Variants in LMBR1 observed in about 807,000 individuals in gnomAD.
The protein encoded by LMBR1 is limb development membrane protein 1.
In LMBR1, 52 loss-of-function variants were observed where a neutral mutation model predicts 73.9. The observed-to-expected ratio is 0.70, with a 90% CI of 0.56 to 0.89. LMBR1 has a LOEUF of 0.89. Ranked by LOEUF, LMBR1 falls within the 40% of genes least tolerant of loss-of-function variation. The pLI is 0.00. For missense variants in LMBR1, 539 were observed against 579.8 expected, an observed-to-expected ratio of 0.93 and a Z score of 0.72; for synonymous variants, 215 against 209.4, an observed-to-expected ratio of 1.03 and a Z score of -0.23.
downstream of LMBR1, among the ~76,000 whole-genome samples, chr7:156,673,860 G>C (rs957367360): frequency 6.6e-6 from 1 of 151,162 alleles, no homozygotes; most frequent in African/African-American, 2.4e-5. Context: ...TCAGAAGTCT[G>C]GTGATTTAAA....
chr7:156,716,710 A>C (rs1317332838), intron 15 of LMBR1, among the ~76,000 whole-genome samples: 1 of 152,212 alleles, frequency 6.6e-6, no homozygotes, highest in African/African-American at 2.4e-5. Context: ...CTTAGAATCT[A>C]CTTCACAAAC....
rs148713018 is a variant in LMBR1, at chr7:156,788,541, T to G, written c.423+7848A>C. 1.1e-3 allele frequency among the ~76,000 whole-genome samples: 167 copies of G among 151,610 alleles called. 1 individual carries two copies. The East Asian group carries it at 0.03, about 27-fold the overall frequency. ...TCAGCTGAGTCAAGCACTGAAATCA[T>G]GAGCATTCTCCCCTGCCCTCTACTA... On this transcript the variant is annotated intron_variant, in intron 5 of 16. Transcript: ENST00000353442.
chr7:156,712,775 T>C (rs889490557), intron 15 of LMBR1, among the ~76,000 whole-genome samples: 4 of 152,210 alleles, frequency 2.6e-5, no homozygotes, highest in African/African-American at 9.7e-5. Context: ...AAATGCTGTA[T>C]GTTCTCAATT....
chr7:156,882,326 T>C (rs921900312), intron 1 of LMBR1, among the ~76,000 whole-genome samples: 11 of 152,096 alleles, frequency 7.2e-5, no homozygotes, highest in Non-Finnish European at 4.4e-5. Context: ...GTGCCAGTAG[T>C]CCCAGCTACT....
rs533200816 is a variant in LMBR1, at chr7:156,735,618, T to G, written c.758-1361A>C. Among the ~76,000 whole-genome samples the G allele has an allele frequency of 6.6e-5, 10 of 151,472 alleles. No individual in the cohort carries two copies. The East Asian group carries it at 1.9e-3, about 29-fold the overall frequency. ...GGGAGGTTCTGTTTGCTAGGGTTTT[T>G]TTGTTTTTGTTTTTGTTTTTCATCC... is the stretch of plus-strand genomic sequence containing the variant. On this transcript the variant is annotated intron_variant, in intron 9 of 16. Transcript: ENST00000353442.
intron 10 of LMBR1, among the ~76,000 whole-genome samples, chr7:156,731,971 T>C (rs1816913578): frequency 6.6e-6 from 1 of 151,444 alleles, no homozygotes; most frequent in African/African-American, 2.4e-5. Context: ...AGAATGATTA[T>C]AACAACATTA....
intron 5 of LMBR1, among the ~76,000 whole-genome samples, chr7:156,784,127 G>C (rs1052068154): frequency 6.6e-6 from 1 of 151,376 alleles, no homozygotes; most frequent in Non-Finnish European, 1.5e-5. Flanking sequence ...ATATCCTTAA[G>C]TTTTTCTGTT....
At chr7:156,793,316 T>A (rs1368448080) in intron 5 of LMBR1, among the ~76,000 whole-genome samples, 1 of 152,202 alleles carries the variant, frequency 6.6e-6, no homozygotes, top group Admixed American at 6.5e-5. Context: ...CATTTAGACT[T>A]AACGACACAA....
At chr7:156,812,678 G>C (rs1470000601) in intron 4 of LMBR1, among the ~76,000 whole-genome samples, 1 of 152,158 alleles carries the variant, frequency 6.6e-6, no homozygotes, top group Non-Finnish European at 1.5e-5. Context: ...GCCTTCATTT[G>C]CCAAAAACAG....
At chr7:156,766,947 G>C (rs1261254231) in intron 5 of LMBR1, among the ~76,000 whole-genome samples, 1 of 152,220 alleles carries the variant, frequency 6.6e-6, no homozygotes, top group Non-Finnish European at 1.5e-5. Context: ...TCAGGAATGA[G>C]GCTGTAGACC....
At chr7:156,881,346 TA>T (rs1407191684) in intron 1 of LMBR1, among the ~76,000 whole-genome samples, 1 of 152,192 alleles carries the variant, frequency 6.6e-6, no homozygotes, top group Non-Finnish European at 1.5e-5. Flanking sequence ...TACAAAGGAT[TA>T]AAGACTTAAA....
intron 5 of LMBR1, among the ~76,000 whole-genome samples, chr7:156,774,991 A>G (rs1186503780): frequency 3.3e-5 from 5 of 152,198 alleles, no homozygotes; most frequent in Non-Finnish European, 7.4e-5. Flanking sequence ...AAAGAAGGGA[A>G]CAACAGACAC....
At position 156,893,071 on chromosome 7, in the gene LMBR1, G is replaced by A; in HGVS notation, c.-78C>T. ...ATCGTCCGCCCGCCGCAGGGGCTCG[G>A]ACAGCCGCGCCGGGGACCGGAGCCG... On this transcript the variant is annotated 5_prime_UTR_variant, in exon 1 of 17. Transcript: ENST00000353442. 1.5e-6 allele frequency: 2 copies of A among 1,323,834 alleles called. No homozygotes were observed. Among genetic ancestry groups the A allele is most frequent in the Non-Finnish European group, 1.9e-6 (2 of 1,037,362 alleles). 82.0% of individuals were successfully genotyped at this position (1,323,834 alleles called of 1,614,324 possible).
At chr7:156,702,537 G>GA (rs1810002182) in intron 15 of LMBR1, among the ~76,000 whole-genome samples, 3 of 151,810 alleles carry the variant, frequency 2.0e-5, no homozygotes, top group Admixed American at 2.0e-4. Context: ...TTGTTAGACT[G>GA]AAAAAATTTT....
rs60299355 is a variant in LMBR1 at position 156,725,498 on chromosome 7, G to A, written c.1095C>T (p.Gly365=). 0.043 allele frequency: 69,531 copies of A among 1,602,902 alleles called. 2,341 individuals are homozygous for A. Among genetic ancestry groups the A allele is most frequent in the East Asian group, 0.15 (6,718 of 44,668 alleles). ...IFYLMVSSVV[G]FYSLRFFGNF... ...TTCCAAAAAATCGAAGGCTATAGAA[G>A]CCGACAACAGAGGACACCATAAGAT... The change falls in exon 14 of 17, where the codon GGC becomes GGT. Residue 365 remains glycine (G), a synonymous_variant. Transcript: ENST00000353442.
In LMBR1 at chr7:156,720,732, T is replaced by C. The variant is rs1272996898; in HGVS notation, c.1225+3380A>G. On this transcript the variant is annotated intron_variant, in intron 15 of 16. Coordinates refer to ENST00000353442, the MANE Select transcript of LMBR1 (RefSeq NM_022458.4). Reference sequence around the variant, plus strand: ...TTATTTTCTATAATATATCTGAATATAATAAAATCATATATACTTTTTGGT... The same window carrying C: ...TTATTTTCTATAATATATCTGAATACAATAAAATCATATATACTTTTTGGT... Among the ~76,000 whole-genome samples, 5 of 151,712 alleles carry C rather than the reference T, an allele frequency of 3.3e-5. No homozygotes were observed. The East Asian group carries it at 9.6e-4, about 29-fold the overall frequency.
rs1262134510 is a variant in LMBR1 at position 156,681,700 on chromosome 7, A to G, written c.*2378T>C. 1 of 152,302 alleles carries G rather than the reference A, an allele frequency of 6.6e-6. No individual in the cohort carries two copies. The highest frequency in any genetic ancestry group is 6.5e-5 in the Admixed American group (1 of 15,282). The allele number at this position is 152,302 out of a possible 1,614,324, so 9.4% of individuals were successfully genotyped here. A position where few individuals can be genotyped will look rare whatever the true frequency, so the allele number is the denominator to read the frequency against. The stretch of plus-strand genomic sequence containing the variant: ...GGTGCATCCCTATCCAGTCAGAAAC[A>G]AAACTGTAGCTCCAGAATTGACCTG... On this transcript the variant is annotated 3_prime_UTR_variant, in exon 17 of 17. Transcript: ENST00000353442.
chr7:156,733,653 T>C (rs1463410029), intron 10 of LMBR1, among the ~76,000 whole-genome samples: 8 of 152,014 alleles, frequency 5.3e-5, no homozygotes, highest in African/African-American at 1.7e-4. Flanking sequence ...CCTTCAGCTA[T>C]AGCCTAAAAT....
rs749368953 is a variant in LMBR1, at chr7:156,762,273, TA to T, written c.620-76del. The T allele has an allele frequency of 1.5e-4, 133 of 864,730 alleles. 1 individual carries two copies. The highest frequency in any genetic ancestry group is 3.9e-4 in the Admixed American group (19 of 48,624). The allele number at this position is 864,730 out of a possible 1,614,324, so 53.6% of individuals were successfully genotyped here. A position where few individuals can be genotyped will look rare whatever the true frequency, so the allele number is the denominator to read the frequency against. On this transcript the variant is annotated intron_variant, in intron 7 of 16. Transcript: ENST00000353442. ...GAGAAAGAGATAAACAACTAGACTGTAAAAATAAGGGAAATTCAAGGATTAT... is the reference window on the plus strand; with the variant it reads ...GAGAAAGAGATAAACAACTAGACTGTAAAATAAGGGAAATTCAAGGATTAT...
Sources: gnomAD v4.1 joint callset for allele counts (sites outside exome capture counted in the v4.1 genomes callset) on GRCh38, gnomAD v4.1.1 for gene constraint, MANE v1.5 for transcripts, NCBI Gene and HGNC (gene_info 2026-07-23, HGNC 2026-07-21) for gene names.